Variants in NR6A1 observed in about 807,000 individuals in gnomAD.
NR6A1 encodes retinoic acid receptor-related testis-associated receptor.
A neutral mutation model predicts 59.1 loss-of-function variants in NR6A1; 7 were observed. The ratio of observed to expected loss-of-function variants is 0.12; its 90% CI spans 0.07 to 0.22. NR6A1 has a LOEUF of 0.22. NR6A1 is among the 10% of genes least tolerant of loss of function. The pLI is 1.00. For missense variants in NR6A1, 468 were observed against 611.6 expected (o/e 0.77, Z 2.48); for synonymous variants, 243 against 236.1 (o/e 1.03, Z -0.27).
intron 2 of NR6A1, among the ~76,000 whole-genome samples, chr9:124,688,887 A>G (rs1389999180): frequency 6.6e-6 from 1 of 152,238 alleles, no homozygotes; most frequent in Non-Finnish European, 1.5e-5. Flanking sequence ...TTAGATAGGG[A>G]GAGTTTTAAA....
At chr9:124,580,315 A>C (rs1834725691) in intron 2 of NR6A1, among the ~76,000 whole-genome samples, 2 of 152,230 alleles carry the variant, frequency 1.3e-5, no homozygotes, top group Non-Finnish European at 1.5e-5. Context: ...TTCATATGAC[A>C]GTCTCCAGAA....
intron 2 of NR6A1, among the ~76,000 whole-genome samples, chr9:124,665,008 TCCAAAAAAAAAAAAA>T (rs1284547734): frequency 4.1e-5 from 1 of 24,680 alleles, no homozygotes; most frequent in Non-Finnish European, 8.3e-5. Flanking sequence ...TCCTTGTATC[TCCAAAAAAAAAAAAA>T]AAAAAAAAAA....
At chr9:124,701,133 T>A (rs1408637617) in intron 2 of NR6A1, among the ~76,000 whole-genome samples, 1 of 152,202 alleles carries the variant, frequency 6.6e-6, no homozygotes, top group Non-Finnish European at 1.5e-5. Context: ...CTGGATCATA[T>A]GGTAAGTTTA....
At chr9:124,709,394 T>C (rs993833585) in intron 2 of NR6A1, among the ~76,000 whole-genome samples, 1 of 152,070 alleles carries the variant, frequency 6.6e-6, no homozygotes, top group Non-Finnish European at 1.5e-5. Flanking sequence ...CACAAATACT[T>C]TAGTTAGTCT....
At chr9:124,620,090 TTTA>T (rs1177232944) in intron 2 of NR6A1, among the ~76,000 whole-genome samples, 2 of 152,248 alleles carry the variant, frequency 1.3e-5, no homozygotes, top group East Asian at 3.9e-4. Flanking sequence ...ATTAATTTGT[TTTA>T]TTGTTTTATA....
At chr9:124,554,302 C>A in intron 3 of NR6A1, 26 bp downstream of exon 3, 1 of 1,613,866 alleles carries the variant, frequency 6.2e-7, no homozygotes, top group South Asian at 1.1e-5. Context: ...GAAGGATGGG[C>A]CATCAGAGCC....
In NR6A1 at chr9:124,535,557, G is replaced by A. The variant is rs544765427; in HGVS notation, c.1079+321C>T. ...TGCGCCACTACATTCCAGCCTGGGC[G>A]ACAGAATGAGACTCTGTCTCAAAAA... On this transcript the variant is annotated intron_variant, in intron 7 of 9. Coordinates refer to ENST00000487099, the MANE Select transcript of NR6A1 (RefSeq NM_033334.4). Among the ~76,000 whole-genome samples, 78 of 152,290 alleles carry A rather than the reference G, an allele frequency of 5.1e-4. 1 individual carries two copies. Among genetic ancestry groups the A allele is most frequent in the Middle Eastern group, 3.4e-3 (1 of 294 alleles).
chr9:124,689,289 A>T (rs1340161439), intron 2 of NR6A1, among the ~76,000 whole-genome samples: 1 of 152,226 alleles, frequency 6.6e-6, no homozygotes, highest in Non-Finnish European at 1.5e-5. Flanking sequence ...TTTGTCAAAG[A>T]TCACATAGCT....
At chr9:124,570,059 C>A (rs1039944261) in intron 2 of NR6A1, among the ~76,000 whole-genome samples, 13 of 152,222 alleles carry the variant, frequency 8.5e-5, no homozygotes, top group Non-Finnish European at 1.5e-4. Flanking sequence ...AGCTGCCTTT[C>A]CTTTTGTTCC....
chr9:124,770,252 G>C (rs545017429), intron 1 of NR6A1: 2 of 152,598 alleles, frequency 1.3e-5, no homozygotes, highest in African/African-American at 4.8e-5. Flanking sequence ...GCCTGGCGGA[G>C]AGGGGAGCTG....
intron 2 of NR6A1, among the ~76,000 whole-genome samples, chr9:124,588,080 G>A (rs1042930012): frequency 1.3e-5 from 2 of 152,158 alleles, no homozygotes; most frequent in Non-Finnish European, 2.9e-5. Flanking sequence ...ACTTTGGTAA[G>A]ACTAATGGTT....
chr9:124,698,246 T>G (rs1243298718), intron 2 of NR6A1: 1 of 152,182 alleles, frequency 6.6e-6, no homozygotes, highest in African/African-American at 2.4e-5. Flanking sequence ...TCTCTTCAGA[T>G]CATATAAATC....
At chr9:124,574,671 A>G (rs1834539030) in intron 2 of NR6A1, among the ~76,000 whole-genome samples, 1 of 152,166 alleles carries the variant, frequency 6.6e-6, no homozygotes, top group African/African-American at 2.4e-5. Flanking sequence ...TGATTTATAT[A>G]TCATTTCCCC....
At chr9:124,734,994 G>A (rs1357696496) in intron 1 of NR6A1, among the ~76,000 whole-genome samples, 4 of 152,136 alleles carry the variant, frequency 2.6e-5, no homozygotes, top group Admixed American at 1.3e-4. Flanking sequence ...ACAGGCACCT[G>A]CCACCATGCC....
At chr9:124,563,316 C>A (rs1834132161) in intron 2 of NR6A1, among the ~76,000 whole-genome samples, 1 of 152,070 alleles carries the variant, frequency 6.6e-6, no homozygotes, top group Non-Finnish European at 1.5e-5. Flanking sequence ...ATTTGTGTGT[C>A]TGTGATGTGC....
intron 2 of NR6A1, among the ~76,000 whole-genome samples, chr9:124,618,945 T>C (rs1360432506): frequency 6.6e-6 from 1 of 152,196 alleles, no homozygotes; most frequent in Non-Finnish European, 1.5e-5. Context: ...AGGACGAATT[T>C]AGCAGCACCA....
At chr9:124,563,248 A>G (rs1440987090) in intron 2 of NR6A1, among the ~76,000 whole-genome samples, 1 of 152,248 alleles carries the variant, frequency 6.6e-6, no homozygotes, top group Admixed American at 6.5e-5. Context: ...CAAGTGCATC[A>G]TATGTACCGA....
At chr9:124,543,182 AG>A (rs1277046750) in intron 4 of NR6A1, among the ~76,000 whole-genome samples, 4 of 152,164 alleles carry the variant, frequency 2.6e-5, no homozygotes, top group Non-Finnish European at 5.9e-5. Flanking sequence ...GTCTCTTCAC[AG>A]TCTATTTTCT....
rs770114102 is a variant in NR6A1, at chr9:124,535,954, C to T, written c.1003G>A (p.Val335Ile). 2.1e-5 allele frequency: 34 copies of T among 1,614,182 alleles called. No individual in the cohort carries two copies. The highest frequency in any genetic ancestry group is 1.6e-4 in the Middle Eastern group (1 of 6,062). ...QELILLSSLT[V>I]YSKQIFGELA... ...TCCCCAAAGATCTGCTTGCTGTAAA[C>T]GGTGAGGGAAGACAGCAGGATTAGC... Residue 335 changes from valine (V) to isoleucine (I), a missense_variant, in exon 7 of 10, where the codon GTT becomes ATT. By Grantham distance (29) the Val-to-Ile change is conservative. Around this residue, in one of 4 missense-constraint regions of NR6A1, gnomAD observed 176 missense variants for 264.0 expected, o/e 0.67. Transcript: ENST00000487099.
Sources: allele counts gnomAD v4.1 joint callset (sites outside exome capture counted in the v4.1 genomes callset), GRCh38; gene constraint gnomAD v4.1.1; regional missense constraint gnomAD v4.1.1; transcripts MANE v1.5; gene names NCBI Gene and HGNC (gene_info 2026-07-23, HGNC 2026-07-21).